Variants in RPS6KA2 observed in about 807,000 individuals in gnomAD.
RPS6KA2 encodes the protein ribosomal protein S6 kinase alpha-2.
Under a neutral mutation model 91.8 loss-of-function variants are expected in RPS6KA2, and 42 were observed. The observed-to-expected ratio is 0.46, with a 90% CI of 0.36 to 0.59. The LOEUF is 0.59. Among genes scored for constraint, RPS6KA2 ranks in the 20% least tolerant of loss-of-function variants. The pLI, the probability that RPS6KA2 is intolerant of heterozygous loss-of-function variation, is 0.00. For missense variants in RPS6KA2, 798 were observed against 978.5 expected (o/e 0.82, Z 2.46); for synonymous variants, 414 against 393.6 (o/e 1.05, Z -0.61).
intron 2 of RPS6KA2, among the ~76,000 whole-genome samples, chr6:166,643,548 C>T (rs1268434291): frequency 6.6e-6 from 1 of 152,190 alleles, no homozygotes; most frequent in Non-Finnish European, 1.5e-5. Context: ...AATAATATAG[C>T]TTCAAAATGT....
intron 1 of RPS6KA2, among the ~76,000 whole-genome samples, chr6:166,564,555 A>G (rs1784436465): frequency 6.6e-6 from 1 of 152,192 alleles, no homozygotes; most frequent in Non-Finnish European, 1.5e-5. Flanking sequence ...GCAAATGACA[A>G]TGACAGTTGA....
Position 166,437,391 on chromosome 6 carries a change from GTGA to G in RPS6KA2, c.1333-4904_1333-4902del, listed in dbSNP as rs1285929900. The stretch of plus-strand genomic sequence containing the variant: ...CAGGGAGGCCTTCTCAGCAAGCGTG[GTGA>G]TGAACAAGGCCTCCCCTCCAGGCTG... On this transcript the variant is annotated intron_variant, in intron 14 of 20. Coordinates refer to ENST00000265678, the MANE Select transcript of RPS6KA2 (RefSeq NM_021135.6). This position sits in a 1 kb window ranked among gnomAD's most constrained non-coding sequence, Gnocchi z 4.3. Among the ~76,000 whole-genome samples, 3 of 152,212 alleles carry G rather than the reference GTGA, an allele frequency of 2.0e-5. No homozygotes were observed. Among genetic ancestry groups the G allele is most frequent in the Non-Finnish European group, 2.9e-5 (2 of 68,036 alleles).
At chr6:166,565,051 C>G (rs576135645) in intron 1 of RPS6KA2, among the ~76,000 whole-genome samples, 5 of 152,296 alleles carry the variant, frequency 3.3e-5, no homozygotes, top group African/African-American at 1.2e-4. Flanking sequence ...AGGCAGACAC[C>G]AAGAGCCACT....
At chr6:166,470,731 C>T (rs1262190432) in intron 10 of RPS6KA2, among the ~76,000 whole-genome samples, 1 of 152,216 alleles carries the variant, frequency 6.6e-6, no homozygotes, top group Non-Finnish European at 1.5e-5. Context: ...GAAGCGTGCC[C>T]ATTCACGGAG....
rs973066716 is a variant in RPS6KA2, at chr6:166,432,623, G to C, written c.1333-133C>G. On this transcript the variant is annotated intron_variant, in intron 14 of 20. Transcript: ENST00000265678. ...TCACTACAATCTCACACCCGACCAA[G>C]AGATAACCTGAGATTGTCTGGAGAT... 5.3e-6 allele frequency: 3 copies of C among 570,462 alleles called. No individual in the cohort carries two copies. In the African/African-American group the frequency reaches 5.7e-5, roughly 11 times the overall value. The allele number at this position is 570,462 out of a possible 1,614,324, so 35.3% of individuals were successfully genotyped here.
rs1022525119 is a variant in RPS6KA2, at chr6:166,436,805, C to T, written c.1333-4315G>A. Among the ~76,000 whole-genome samples the T allele has an allele frequency of 6.6e-5, 10 of 152,164 alleles. No homozygotes were observed. The South Asian group carries it at 8.3e-4, about 13-fold the overall frequency. ...TGGGGTCTCTCCTGCCTCAGCCTCC[C>T]GAGTAGCTGGGATTATAGGGCACAT... is the stretch of plus-strand genomic sequence containing the variant. On this transcript the variant is annotated intron_variant, in intron 14 of 20. Transcript: ENST00000265678.
At chr6:166,543,861 C>T (rs534483244) in intron 1 of RPS6KA2, among the ~76,000 whole-genome samples, 4 of 130,196 alleles carry the variant, frequency 3.1e-5, no homozygotes, top group East Asian at 2.2e-4. Flanking sequence ...AATGCACATA[C>T]GTGAGTGTGT....
chr6:166,622,135 A>T (rs1456516620), intron 1 of RPS6KA2, among the ~76,000 whole-genome samples: 5 of 152,232 alleles, frequency 3.3e-5, no homozygotes, highest in African/African-American at 9.6e-5. Context: ...AAAGACAGTC[A>T]GCACGTGGGT....
Position 166,445,374 on chromosome 6 carries a change from T to C in RPS6KA2, c.1332+3350A>G, listed in dbSNP as rs1002531830. 1.5e-4 allele frequency among the ~76,000 whole-genome samples: 23 copies of C among 152,304 alleles called. No individual in the cohort carries two copies. Among genetic ancestry groups the C allele is most frequent in the African/African-American group, 5.5e-4 (23 of 41,568 alleles). On this transcript the variant is annotated intron_variant, in intron 14 of 20. Coordinates refer to ENST00000265678, the MANE Select transcript of RPS6KA2 (RefSeq NM_021135.6). This position sits in a 1 kb window ranked among gnomAD's most constrained non-coding sequence, Gnocchi z 4.5. ...CAAAATATCAACCTCCTGGCCTTTATCTACATGAGACCTGCTCTCACCCAC... is the reference window on the plus strand; with the variant it reads ...CAAAATATCAACCTCCTGGCCTTTACCTACATGAGACCTGCTCTCACCCAC...
chr6:166,652,132 A>G (rs1049012171), intron 2 of RPS6KA2, among the ~76,000 whole-genome samples: 19 of 152,262 alleles, frequency 1.2e-4, no homozygotes, highest in Non-Finnish European at 2.5e-4. Flanking sequence ...AAGTCAGAGG[A>G]TAGAGCTTCG....
chr6:166,504,724 G>A, intron 5 of RPS6KA2, 112 bp from the exon 6 acceptor site: 1 of 717,030 alleles, frequency 1.4e-6, no homozygotes, highest in Non-Finnish European at 2.3e-6. Context: ...GGGTCAGTTT[G>A]CTCTGTGGAA....
intron 2 of RPS6KA2, among the ~76,000 whole-genome samples, chr6:166,667,966 G>A (rs1053549955): frequency 6.6e-6 from 1 of 152,176 alleles, no homozygotes; most frequent in Non-Finnish European, 1.5e-5. Flanking sequence ...ATGCCAGAGG[G>A]GAAGAGCACA....
chr6:166,436,202 C>T (rs1779296454), intron 14 of RPS6KA2, among the ~76,000 whole-genome samples: 2 of 152,060 alleles, frequency 1.3e-5, no homozygotes, highest in Non-Finnish European at 2.9e-5. Flanking sequence ...CGTTTACAGC[C>T]CTGAAATGCT....
Position 166,538,777 on chromosome 6 carries a change from CCTT to C in RPS6KA2, c.104_106del (p.Glu35del). ...GCTGATGTCTATCTCCTTCACGACGCCTTCTTCCTGCAAGAGAGCGGCACGGGT... is the reference window on the plus strand; with the variant it reads ...GCTGATGTCTATCTCCTTCACGACGCCTTCCTGCAAGAGAGCGGCACGGGT... On this transcript the variant is annotated inframe_deletion, in exon 2 of 21. Transcript: ENST00000265678. 1.9e-6 allele frequency: 3 copies of C among 1,555,988 alleles called. No homozygotes were observed. Among genetic ancestry groups the C allele is most frequent in the Non-Finnish European group, 2.7e-6 (3 of 1,127,638 alleles).
rs981441228 is a variant in RPS6KA2, at chr6:166,487,317, C to T, written c.907+1516G>A. ...ACGGCAGAACACCCTGTGACATCAC[C>T]CATGCCACGGGGAGCTCACCGTGTC... On this transcript the variant is annotated intron_variant, in intron 10 of 20. Transcript: ENST00000265678. Among the ~76,000 whole-genome samples, 3 of 152,280 alleles carry T rather than the reference C, an allele frequency of 2.0e-5. No individual in the cohort carries two copies. The East Asian group carries it at 5.8e-4, about 29-fold the overall frequency.
intron 1 of RPS6KA2, among the ~76,000 whole-genome samples, chr6:166,564,928 T>C (rs1784450560): frequency 1.3e-5 from 2 of 152,238 alleles, no homozygotes; most frequent in African/African-American, 4.8e-5. Context: ...ATCCCTTATA[T>C]GTCTGAGCCG....
intron 2 of RPS6KA2, among the ~76,000 whole-genome samples, chr6:166,851,581 G>T (rs1780744842): frequency 6.6e-6 from 1 of 152,230 alleles, no homozygotes; most frequent in South Asian, 2.1e-4. Context: ...TGAGGAGCCA[G>T]CGGTGAGTGC....
Position 166,432,392 on chromosome 6 carries a change from A to T in RPS6KA2, c.1422+9T>A, listed in dbSNP as rs1001566528. 4 of 1,591,138 alleles carry T rather than the reference A, an allele frequency of 2.5e-6. No homozygotes were observed. Among genetic ancestry groups the T allele is most frequent in the Admixed American group, 1.7e-5 (1 of 59,794 alleles). ...GAAGTGGAGATGCTGTTGCACGGGGACCACTCACATCCTTGAGGGTGATGA... is the reference window on the plus strand; with the variant it reads ...GAAGTGGAGATGCTGTTGCACGGGGTCCACTCACATCCTTGAGGGTGATGA... On this transcript the variant is annotated intron_variant, in intron 15 of 20. Transcript: ENST00000265678.
intron 7 of RPS6KA2, 116 bp from the exon 8 acceptor site, chr6:166,498,766 G>T (rs1181955448): frequency 3.0e-6 from 4 of 1,321,434 alleles, no homozygotes; most frequent in Non-Finnish European, 4.2e-6. Context: ...GGTGGGCGCA[G>T]CAGAGCCCTG....
Sources: allele counts gnomAD v4.1 joint callset (sites outside exome capture counted in the v4.1 genomes callset), GRCh38; gene constraint gnomAD v4.1.1; non-coding constraint Gnocchi (gnomAD v3.1); transcripts MANE v1.5; gene names NCBI Gene and HGNC (gene_info 2026-07-23, HGNC 2026-07-21).